RIMS2: variants seen among roughly 807,000 people sequenced by gnomAD.
The protein encoded by RIMS2 is regulating synaptic membrane exocytosis protein 2.
In RIMS2, 59 loss-of-function variants were observed where a neutral mutation model predicts 174.4. That is an observed-to-expected ratio of 0.34 (90% confidence interval 0.27 to 0.42). The LOEUF (loss-of-function observed/expected upper bound fraction) is 0.42, where lower values mean the gene tolerates loss of function less well. RIMS2 is among the 10% of genes least tolerant of loss of function. The pLI, the probability that RIMS2 is intolerant of heterozygous loss-of-function variation, is 1.00. For synonymous variants in RIMS2, 606 were observed against 572.5 expected (o/e 1.06, Z -0.84); for missense variants, 1,620 against 1,666.3 (o/e 0.97, Z 0.48).
exon 18 of RIMS2, chr8:104,013,523 C>G: frequency 1.9e-6 from 3 of 1,613,866 alleles, no homozygotes; most frequent in South Asian, 1.1e-5. Flanking sequence ...GGACCACCAC[C>G]CGCTCCAGAT....
chr8:103,747,399 G>C (rs2097835652), intron 2 of RIMS2, among the ~76,000 whole-genome samples: 1 of 150,932 alleles, frequency 6.6e-6, no homozygotes, highest in African/African-American at 2.4e-5. Context: ...CATTTATTTG[G>C]AGCAAAACAG....
intron 3 of RIMS2, among the ~76,000 whole-genome samples, chr8:103,876,909 T>TACATATAC (rs2099143285): frequency 1.5e-5 from 1 of 66,112 alleles, no homozygotes; most frequent in Non-Finnish European, 3.6e-5. Flanking sequence ...TATATATATA[T>TACATATAC]ACACACACAC....
chr8:104,076,095 G>GT (rs1168646087), intron 19 of RIMS2, among the ~76,000 whole-genome samples: 3 of 152,124 alleles, frequency 2.0e-5, no homozygotes, highest in African/African-American at 7.2e-5. Context: ...TGAAATCCAG[G>GT]TTATTAAGCT....
intron 3 of RIMS2, among the ~76,000 whole-genome samples, chr8:103,794,452 A>T (rs2098532585): frequency 6.6e-6 from 1 of 152,260 alleles, no homozygotes; most frequent in Admixed American, 6.5e-5. Context: ...TTAAAGACTT[A>T]AATGTTAGAC....
chr8:103,628,546 G>A (rs948403180), intron 1 of RIMS2, among the ~76,000 whole-genome samples: 1 of 151,804 alleles, frequency 6.6e-6, no homozygotes. Flanking sequence ...AAGAGACGGG[G>A]TTTCTCCATG....
intron 16 of RIMS2, among the ~76,000 whole-genome samples, chr8:103,988,397 T>G (rs1378840378): frequency 6.6e-6 from 1 of 152,112 alleles, no homozygotes; most frequent in Non-Finnish European, 1.5e-5. Context: ...CTTAATTGTG[T>G]TTTAAAGGGC....
At chr8:103,757,315 T>C (rs1359810898) in intron 2 of RIMS2, among the ~76,000 whole-genome samples, 1 of 152,206 alleles carries the variant, frequency 6.6e-6, no homozygotes, top group East Asian at 1.9e-4. Flanking sequence ...GGTTTTTCTG[T>C]ATGTATTGAT....
At chr8:104,004,750 G>A (rs755970381) in intron 17 of RIMS2, among the ~76,000 whole-genome samples, 11 of 152,054 alleles carry the variant, frequency 7.2e-5, no homozygotes, top group Non-Finnish European at 1.3e-4. Flanking sequence ...TCTTAGGGGA[G>A]GTAGGAGGTC....
intron 19 of RIMS2, among the ~76,000 whole-genome samples, chr8:104,096,760 C>A (rs1038777422): frequency 6.6e-6 from 1 of 151,454 alleles, no homozygotes; most frequent in East Asian, 1.9e-4. Flanking sequence ...CCCAGCTACT[C>A]GGGAGGCTGA....
intron 1 of RIMS2, among the ~76,000 whole-genome samples, chr8:103,679,907 A>G (rs1590193119): frequency 1.3e-5 from 2 of 152,154 alleles, no homozygotes; most frequent in Middle Eastern, 6.8e-3. Flanking sequence ...CTGCTTTTGT[A>G]AATAGCATTT....
In RIMS2 at chr8:103,740,902, AT is replaced by A. The variant is rs1489871227; in HGVS notation, c.388-25321del. On this transcript the variant is annotated intron_variant, in intron 2 of 23. Transcript: ENST00000504942. ...TGTTTTTTATTGAATTTTTATTTACATTTTCTTCACAGCAGTTTATCCACAT... is the reference window on the plus strand; with the variant it reads ...TGTTTTTTATTGAATTTTTATTTACATTTCTTCACAGCAGTTTATCCACAT... Among the ~76,000 whole-genome samples, 17 of 152,084 alleles carry A rather than the reference AT, an allele frequency of 1.1e-4. No individual in the cohort carries two copies. The East Asian group carries it at 2.9e-3, about 26-fold the overall frequency.
intron 1 of RIMS2, among the ~76,000 whole-genome samples, chr8:103,546,970 G>T (rs1845410420): frequency 6.7e-6 from 1 of 149,534 alleles, no homozygotes; most frequent in African/African-American, 2.5e-5. Flanking sequence ...GTTATGCGGT[G>T]CCTCACTGAG....
chr8:103,748,529 T>C (rs557646556), intron 2 of RIMS2, among the ~76,000 whole-genome samples: 1 of 152,232 alleles, frequency 6.6e-6, no homozygotes, highest in Non-Finnish European at 1.5e-5. Context: ...CCTCAACTTT[T>C]TTCTCTGAAT....
intron 3 of RIMS2, chr8:103,768,625 A>C (rs2098209591): frequency 1.0e-6 from 1 of 1,000,886 alleles, no homozygotes; most frequent in East Asian, 2.4e-5. Flanking sequence ...TATTGTAAAA[A>C]AAGGAGATAA....
At chr8:104,091,821 C>A (rs1208347383) in intron 19 of RIMS2, among the ~76,000 whole-genome samples, 1 of 151,152 alleles carries the variant, frequency 6.6e-6, no homozygotes, top group South Asian at 2.1e-4. Context: ...TGAATAAATC[C>A]ACTGTACATT....
intron 19 of RIMS2, among the ~76,000 whole-genome samples, chr8:104,023,615 G>C (rs1347732435): frequency 6.6e-6 from 1 of 152,168 alleles, no homozygotes; most frequent in Admixed American, 6.5e-5. Context: ...GGGAATATCA[G>C]GTGCTCAGTT....
chr8:103,930,750 G>T (rs966410489), intron 11 of RIMS2, among the ~76,000 whole-genome samples: 1 of 152,052 alleles, frequency 6.6e-6, no homozygotes, highest in Admixed American at 6.6e-5. Context: ...GGAATCTATT[G>T]ACTAAAGCTA....
intron 16 of RIMS2, among the ~76,000 whole-genome samples, chr8:103,983,186 C>A (rs1368720912): frequency 6.6e-6 from 1 of 151,940 alleles, no homozygotes. Context: ...TTGACTTAAC[C>A]AAAGAAATGA....
At chr8:104,137,145 G>T (rs907127142) in intron 19 of RIMS2, among the ~76,000 whole-genome samples, 4 of 152,148 alleles carry the variant, frequency 2.6e-5, no homozygotes, top group Admixed American at 2.0e-4. Flanking sequence ...TTATTTGGCT[G>T]TAGGAAATCT....
Sources: allele counts gnomAD v4.1 joint callset (sites outside exome capture counted in the v4.1 genomes callset), GRCh38; gene constraint gnomAD v4.1.1; transcripts MANE v1.5; gene names NCBI Gene and HGNC (gene_info 2026-07-23, HGNC 2026-07-21).